TRPV3: variants seen among roughly 807,000 people sequenced by gnomAD.
TRPV3 encodes transient receptor potential cation channel subfamily V member 3.
TRPV3 carries 88 observed loss-of-function variants against 87.1 expected under a neutral mutation model. The ratio of observed to expected loss-of-function variants is 1.01; its 90% CI spans 0.85 to 1.21. TRPV3 has a LOEUF of 1.21. TRPV3 is among the 50% of genes most tolerant of loss of function. TRPV3 has a pLI of 0.00. For synonymous variants in TRPV3, 438 were observed against 423.3 expected, an observed-to-expected ratio of 1.03 and a Z score of -0.43; for missense variants, 1,054 against 1,030.1, an observed-to-expected ratio of 1.02 and a Z score of -0.32.
In TRPV3 at chr17:3,535,703, C is replaced by A; in HGVS notation, c.654G>T (p.Ala218=). 1.3e-6 allele frequency: 2 copies of A among 1,555,788 alleles called. No individual in the cohort carries two copies. Among genetic ancestry groups the A allele is most frequent in the Admixed American group, 1.9e-5 (1 of 51,364 alleles). The change falls in exon 7 of 18, where the codon GCG becomes GCT. Residue 218 remains alanine, a synonymous_variant. Coordinates refer to ENST00000576742, the MANE Select transcript of TRPV3 (RefSeq NM_145068.4). Reference sequence around the variant, plus strand: ...GCCGCCGCTCGATGGCGATGTTCAGCGCCGTCTGCCCTGCGGAGCGGGCGG... The same window carrying A: ...GCCGCCGCTCGATGGCGATGTTCAGAGCCGTCTGCCCTGCGGAGCGGGCGG... ...YTEEAYEGQT[A]LNIAIERRQG... is the part of the protein sequence containing the mutation.
Position 3,543,709 on chromosome 17 carries a change from C to T in TRPV3, c.312-81G>A, listed in dbSNP as rs539700497. ...TCCTTTTCCCCGCCAGAGCTGCCTA[C>T]GGGGCGCTGCAGCTGCCGCCAACAT... is the stretch of plus-strand genomic sequence containing the variant. On this transcript the variant is annotated intron_variant, in intron 4 of 17. Coordinates refer to ENST00000576742, the MANE Select transcript of TRPV3 (RefSeq NM_145068.4). 82 of 1,567,290 alleles carry T rather than the reference C, an allele frequency of 5.2e-5. 1 individual carries two copies. The highest frequency in any genetic ancestry group is 2.4e-4 in the Admixed American group (14 of 57,992).
Position 3,535,637 on chromosome 17 carries a change from G to T in TRPV3, c.720C>A (p.Asp240Glu), listed in dbSNP as rs758510130. 3 of 1,608,864 alleles carry T rather than the reference G, an allele frequency of 1.9e-6. No individual in the cohort carries two copies. The highest frequency in any genetic ancestry group is 1.7e-4 in the Middle Eastern group (1 of 6,002). Residue 240 changes from aspartate to glutamate, a missense_variant, in exon 7 of 18, where the codon GAC becomes GAA. Asp to Glu is a conservative substitution (Grantham distance 45). Transcript: ENST00000576742. Reference sequence around the variant, plus strand: ...AGGCCCCCTTGGCGTGCGCGTTGACGTCGGCGCCGGCGGCGATGAGCAGGG... The same window carrying T: ...AGGCCCCCTTGGCGTGCGCGTTGACTTCGGCGCCGGCGGCGATGAGCAGGG... ...IAALLIAAGA[D>E]VNAHAKGAFF...
In TRPV3 at chr17:3,554,806, T is replaced by C; in HGVS notation, c.45A>G (p.Arg15=). 1 of 1,612,624 alleles carries C rather than the reference T, an allele frequency of 6.2e-7. No homozygotes were observed. ...PKEMVPLMGK[R]VAAPSGNPAI... ...CAGGGTTCCCACTGGGGGCAGCAAC[T>C]CTCTTGCCCATGAGAGGCACCATCT... The change falls in exon 2 of 18, where the codon AGA becomes AGG. Residue 15 remains arginine (R), a synonymous_variant. Coordinates refer to ENST00000576742, the MANE Select transcript of TRPV3 (RefSeq NM_145068.4).
rs56355146 is a variant in TRPV3, at chr17:3,519,974, T to TTGGATGGA, written c.1810+991_1810+998dup. Among the ~76,000 whole-genome samples, 916 of 117,052 alleles carry TTGGATGGA rather than the reference T, an allele frequency of 7.8e-3. 9 individuals carry two copies. The highest frequency in any genetic ancestry group is 0.011 in the Non-Finnish European group (581 of 52,300). The allele number at this position is 117,052 out of a possible 152,430, so 76.8% of individuals were successfully genotyped here. ...AATGGATGGATCGATGGATGAATGA[T>TTGGATGGA]TGGATGGATGGATGGATGGATGGAT... On this transcript the variant is annotated intron_variant, in intron 14 of 17. Coordinates refer to ENST00000576742, the MANE Select transcript of TRPV3 (RefSeq NM_145068.4).
intron 14 of TRPV3, among the ~76,000 whole-genome samples, chr17:3,519,205 C>T (rs2074210233): frequency 6.6e-6 from 1 of 152,246 alleles, no homozygotes; most frequent in Non-Finnish European, 1.5e-5. Flanking sequence ...TCACCTCCCT[C>T]AAGGCTGTAA....
At chr17:3,516,018 C>T (rs567865451) in intron 16 of TRPV3, among the ~76,000 whole-genome samples, 86 of 152,070 alleles carry the variant, frequency 5.7e-4, no homozygotes, top group Non-Finnish European at 1.1e-3. Flanking sequence ...GAAACTCTGC[C>T]TCTACTAAAA....
rs2074490532 is a variant in TRPV3 at position 3,543,622 on chromosome 17, C to T, written c.318G>A (p.Gln106=). Reference sequence around the variant, plus strand: ...TCCTCCTCTGCTCTTCCTTGGCCAGCTGTGCACTGAAGCCAGAAAATGTTT... The same window carrying T: ...TCCTCCTCTGCTCTTCCTTGGCCAGTTGTGCACTGAAGCCAGAAAATGTTT... ...TPSNPNSPSA[Q]LAKEEQRRKK... is the part of the protein sequence containing the mutation. Residue 106 remains glutamine (Q), a synonymous_variant, in exon 5 of 18, where the codon CAG becomes CAA. Coordinates refer to ENST00000576742, the MANE Select transcript of TRPV3 (RefSeq NM_145068.4). 4.3e-6 allele frequency: 7 copies of T among 1,613,946 alleles called. No individual in the cohort carries two copies. The highest frequency in any genetic ancestry group is 1.7e-5 in the Admixed American group (1 of 60,010).
At chr17:3,550,557 C>T (rs2074564507) in intron 2 of TRPV3, among the ~76,000 whole-genome samples, 1 of 128,294 alleles carries the variant, frequency 7.8e-6, no homozygotes. Context: ...TGGAGTCTCG[C>T]TCTGTCGCCT....
chr17:3,523,589 G>C (rs576520756), intron 13 of TRPV3, among the ~76,000 whole-genome samples: 1 of 151,946 alleles, frequency 6.6e-6, no homozygotes, highest in South Asian at 2.1e-4. Context: ...ATGGTGGTGC[G>C]TGCCTGTGAT....
At chr17:3,541,974 T>A (rs1306624820) in intron 6 of TRPV3, among the ~76,000 whole-genome samples, 2 of 152,246 alleles carry the variant, frequency 1.3e-5, no homozygotes, top group African/African-American at 4.8e-5. Context: ...TATTTATTTA[T>A]TTTGAGATGG....
chr17:3,522,995 G>A lies in TRPV3; in HGVS notation c.1743+1203C>T, dbSNP rs538104014. Reference sequence around the variant, plus strand: ...ATCTGCAGTTTCAGGCATTCATGGGGGGTCTTAGAACATCTCCCCCAAGAA... The same window carrying A: ...ATCTGCAGTTTCAGGCATTCATGGGAGGTCTTAGAACATCTCCCCCAAGAA... On this transcript the variant is annotated intron_variant, in intron 13 of 17. Coordinates refer to ENST00000576742, the MANE Select transcript of TRPV3 (RefSeq NM_145068.4). Among the ~76,000 whole-genome samples the A allele has an allele frequency of 3.7e-4, 56 of 152,038 alleles. 1 individual carries two copies. The highest frequency in any genetic ancestry group is 1.3e-3 in the African/African-American group (53 of 41,436).
At chr17:3,529,056 T>C in intron 9 of TRPV3, 61 bp from the exon 10 acceptor site, 1 of 1,594,902 alleles carries the variant, frequency 6.3e-7, no homozygotes, top group Non-Finnish European at 8.6e-7. Context: ...GACCGTTTTC[T>C]AAAGGCCTGC....
chr17:3,518,098 G>A lies in TRPV3; in HGVS notation c.2085+478C>T, dbSNP rs1433368214. Among the ~76,000 whole-genome samples, 1 of 151,908 alleles carries A rather than the reference G, an allele frequency of 6.6e-6. No homozygotes were observed. The highest frequency in any genetic ancestry group is 2.4e-5 in the African/African-American group (1 of 41,364). On this transcript the variant is annotated intron_variant, in intron 15 of 17. Coordinates refer to ENST00000576742, the MANE Select transcript of TRPV3 (RefSeq NM_145068.4). This position sits in a 1 kb window ranked among gnomAD's most constrained non-coding sequence, Gnocchi z 4.3. ...CCTTCCAAAGTGCTAAGATTACAGG[G>A]GTGAGCCACCATGCCCGGCCGCCAA... is the stretch of plus-strand genomic sequence containing the variant.
At chr17:3,543,740 A>C in intron 4 of TRPV3, 112 bp from the exon 5 acceptor site, 1 of 1,411,024 alleles carries the variant, frequency 7.1e-7, no homozygotes, top group Non-Finnish European at 9.7e-7. Flanking sequence ...AACATCTCCC[A>C]TGCCTGTCAC....
At position 3,524,354 on chromosome 17, in the gene TRPV3, T is replaced by C. The variant is rs1179891884; in HGVS notation, c.1587A>G (p.Gln529=). The change falls in exon 13 of 18, where the codon CAA becomes CAG. Residue 529 remains glutamine (Q), a synonymous_variant. Transcript: ENST00000576742. ...AGACAGACAGTATCACAAGCACAGC[T>C]TGGATAAAACTGTTCAGGAGACACA... ...DAWFHFVFFI[Q]AVLVILSVFL... The C allele has an allele frequency of 6.2e-7, 1 of 1,614,176 alleles. No homozygotes were observed. Among genetic ancestry groups the C allele is most frequent in the Non-Finnish European group, 8.5e-7 (1 of 1,180,022 alleles).
chr17:3,530,323 T>G lies in TRPV3; in HGVS notation c.1066-120A>C. 8.1e-6 allele frequency: 8 copies of G among 982,070 alleles called. No homozygotes were observed. Among genetic ancestry groups the G allele is most frequent in the Non-Finnish European group, 7.3e-6 (5 of 681,032 alleles). 60.8% of individuals were successfully genotyped at this position (982,070 alleles called of 1,614,324 possible). On this transcript the variant is annotated intron_variant, in intron 8 of 17. Transcript: ENST00000576742. This position sits in a 1 kb window ranked among gnomAD's most constrained non-coding sequence, Gnocchi z 4.0. ...CACCCGCCCAGAATGGGTGGAGACC[T>G]GCCTCTGCGCCTGGCGCCATGGCCC...
chr17:3,520,011 TG>T (rs2074232746), intron 14 of TRPV3, among the ~76,000 whole-genome samples: 1 of 143,454 alleles, frequency 7.0e-6, no homozygotes, highest in Admixed American at 7.0e-5. Flanking sequence ...GATGGATGGA[TG>T]GACGGATAGA....
chr17:3,514,506 G>A (rs974627988), intron 17 of TRPV3, 87 bp downstream of exon 17: 3 of 918,000 alleles, frequency 3.3e-6, no homozygotes, highest in African/African-American at 3.3e-5. Context: ...GACAGATGGG[G>A]AAAGTCAGGA....
intron 12 of TRPV3, among the ~76,000 whole-genome samples, chr17:3,526,251 GCAGATCACTTGAGGT>G (rs1443271746): frequency 1.3e-5 from 2 of 152,138 alleles, no homozygotes; most frequent in Non-Finnish European, 2.9e-5. Context: ...GCTGAGGTGG[GCAGATCACTTGAGGT>G]CAGGAGTTCA....
Sources: gnomAD v4.1 joint callset for allele counts (sites outside exome capture counted in the v4.1 genomes callset) on GRCh38, gnomAD v4.1.1 for gene constraint, Gnocchi (gnomAD v3.1) non-coding constraint, MANE v1.5 for transcripts, NCBI Gene and HGNC (gene_info 2026-07-23, HGNC 2026-07-21) for gene names.